BLM: variants seen among roughly 807,000 people sequenced by gnomAD.
The protein encoded by BLM is recQ-like DNA helicase BLM.
A neutral mutation model predicts 135.3 loss-of-function variants in BLM; 95 were observed. That is an observed-to-expected ratio of 0.70 (90% confidence interval 0.59 to 0.83). The LOEUF is 0.83. BLM is among the 40% of genes least tolerant of loss of function. The probability of loss-of-function intolerance (pLI) is 0.00; values close to 1 mark genes in which losing one functional copy is unlikely to be tolerated. For missense variants in BLM, 1,518 were observed against 1,663.9 expected (o/e 0.91, Z 1.53); for synonymous variants, 520 against 589.2 (o/e 0.88, Z 1.70).
chr15:90,792,509 G>A (rs1233436367), intron 15 of BLM, among the ~76,000 whole-genome samples: 1 of 152,090 alleles, frequency 6.6e-6, no homozygotes, highest in Non-Finnish European at 1.5e-5. Flanking sequence ...TACCTTATTT[G>A]TTCAAAACAA....
chr15:90,801,890 T>A (rs1228215985), intron 17 of BLM, among the ~76,000 whole-genome samples: 1 of 152,088 alleles, frequency 6.6e-6, no homozygotes, highest in African/African-American at 2.4e-5. Context: ...ACCCTGTCTC[T>A]ACCAAAAATA....
chr15:90,725,070 G>C (rs1894874458), intron 1 of BLM, among the ~76,000 whole-genome samples: 1 of 152,078 alleles, frequency 6.6e-6, no homozygotes, highest in Admixed American at 6.6e-5. Flanking sequence ...CATCATGCCT[G>C]GCTAATTTTT....
At chr15:90,774,946 G>A (rs56277707) in intron 12 of BLM, among the ~76,000 whole-genome samples, 1 of 124,396 alleles carries the variant, frequency 8.0e-6, no homozygotes, top group African/African-American at 4.2e-5. Flanking sequence ...TATAACGATG[G>A]TAAAATGTTT....
At chr15:90,735,230 T>C (rs1049040821) in intron 1 of BLM, among the ~76,000 whole-genome samples, 2 of 107,626 alleles carry the variant, frequency 1.9e-5, no homozygotes. Context: ...TAAAAGTGCC[T>C]AAGTTAATAT....
At chr15:90,719,620 C>G (rs1212428592) in intron 1 of BLM, among the ~76,000 whole-genome samples, 2 of 151,846 alleles carry the variant, frequency 1.3e-5, no homozygotes, top group African/African-American at 2.4e-5. Context: ...TGTTTTATGC[C>G]TTTAAAAGAG....
chr15:90,770,132 T>C (rs1425323100), intron 12 of BLM, among the ~76,000 whole-genome samples: 1 of 151,208 alleles, frequency 6.6e-6, no homozygotes, highest in Non-Finnish European at 1.5e-5. Flanking sequence ...ACCAAATCCA[T>C]AATTCTTCAG....
intron 21 of BLM, among the ~76,000 whole-genome samples, chr15:90,813,425 C>T (rs748272309): frequency 3.3e-5 from 5 of 152,114 alleles, no homozygotes; most frequent in Non-Finnish European, 5.9e-5. Flanking sequence ...TGGAGTTTTG[C>T]TCTTGTCACC....
intron 1 of BLM, among the ~76,000 whole-genome samples, chr15:90,736,670 G>A (rs1567029357): frequency 6.6e-6 from 1 of 151,950 alleles, no homozygotes; most frequent in Non-Finnish European, 1.5e-5. Context: ...GAAATTTGTT[G>A]GTAAATATCT....
At chr15:90,743,072 T>C (rs1446196089) in intron 1 of BLM, among the ~76,000 whole-genome samples, 1 of 150,706 alleles carries the variant, frequency 6.6e-6, no homozygotes, top group Non-Finnish European at 1.5e-5. Flanking sequence ...AATTGCTCAC[T>C]GCAGCCTCGA....
intron 7 of BLM, among the ~76,000 whole-genome samples, chr15:90,762,132 A>G (rs1473893556): frequency 6.6e-6 from 1 of 152,158 alleles, no homozygotes; most frequent in Admixed American, 6.5e-5. Flanking sequence ...GATGTTTGCA[A>G]TTATCTTGAG....
At chr15:90,811,492 T>C (rs777155908) in intron 21 of BLM, 86 bp downstream of exon 21, 47 of 1,398,662 alleles carry the variant, frequency 3.4e-5, no homozygotes, top group Non-Finnish European at 4.1e-5. Flanking sequence ...TTGAAGGATT[T>C]ATTAAAATAA....
rs1173643081 is a variant in BLM at position 90,774,385 on chromosome 15, T to C, written c.2555+4799T>C. Among the ~76,000 whole-genome samples the C allele has an allele frequency of 2.0e-5, 3 of 151,984 alleles. No individual in the cohort carries two copies. The East Asian group carries it at 5.8e-4, about 29-fold the overall frequency. On this transcript the variant is annotated intron_variant, in intron 12 of 21. Coordinates refer to ENST00000355112, the MANE Select transcript of BLM (RefSeq NM_000057.4). ...CTGCACCCGACCGCCTCCATCATTT[T>C]ATATTACCTTCAGCAGTGTGTGGGG...
At chr15:90,771,830 G>C (rs1012197545) in intron 12 of BLM, among the ~76,000 whole-genome samples, 1 of 152,074 alleles carries the variant, frequency 6.6e-6, no homozygotes, top group African/African-American at 2.4e-5. Flanking sequence ...ATGACTTTTT[G>C]TAAGTATAGG....
intron 1 of BLM, among the ~76,000 whole-genome samples, chr15:90,739,114 G>A (rs893433056): frequency 1.3e-5 from 2 of 152,038 alleles, no homozygotes; most frequent in Admixed American, 1.3e-4. Context: ...AGGAAGGAGC[G>A]GCCAGGCGCG....
At chr15:90,754,991 A>G in intron 5 of BLM, 53 bp downstream of exon 5, 1 of 1,593,230 alleles carries the variant, frequency 6.3e-7, no homozygotes, top group Admixed American at 1.7e-5. Context: ...ACTTTTGAAA[A>G]CAACGTAACA....
chr15:90,806,945 G>A (rs1466870489), intron 19 of BLM, among the ~76,000 whole-genome samples: 5 of 152,176 alleles, frequency 3.3e-5, no homozygotes, highest in African/African-American at 1.2e-4. Flanking sequence ...GTGTTTTACT[G>A]ATTTAGACAT....
chr15:90,811,410 T>G lies in BLM; in HGVS notation c.4076+4T>G, dbSNP rs183176301. The G allele has an allele frequency of 4.5e-3, 7,281 of 1,613,300 alleles. 38 individuals are homozygous for G. The highest frequency in any genetic ancestry group is 0.027 in the Middle Eastern group (161 of 6,062). On this transcript the variant is annotated splice_donor_region_variant and intron_variant, in intron 21 of 21. Transcript: ENST00000355112. ...CCAGTGGTTCCAAGGCAAAGGGGTA[T>G]GTTTTGTGACATCTTTTTCAATATA...
chr15:90,793,272 T>TG, intron 15 of BLM, among the ~76,000 whole-genome samples: 2 of 151,884 alleles, frequency 1.3e-5, no homozygotes, highest in South Asian at 4.1e-4. Context: ...CTAGCAGGGA[T>TG]TACAGGCTCG....
chr15:90,749,956 T>C lies in BLM; in HGVS notation c.688T>C (p.Trp230Arg), dbSNP rs760084762. Reference sequence around the variant, plus strand: ...TGAGGAACAGAAGGATGACTCAGAATGGTTAAGCAGCGATGTGATTTGCAT... The same window carrying C: ...TGAGGAACAGAAGGATGACTCAGAACGGTTAAGCAGCGATGTGATTTGCAT... ...LTEEQKDDSE[W>R]LSSDVICIDD... Residue 230 changes from tryptophan to arginine, a missense_variant, in exon 3 of 22, where the codon TGG (tryptophan) becomes CGG (arginine). This residue lies in a region of BLM where 724 missense variants were observed against 756.9 expected (regional missense o/e 0.96). Coordinates refer to ENST00000355112, the MANE Select transcript of BLM (RefSeq NM_000057.4). The C allele has an allele frequency of 1.2e-6, 2 of 1,614,182 alleles. No individual in the cohort carries two copies. Among genetic ancestry groups the C allele is most frequent in the South Asian group, 2.2e-5 (2 of 91,084 alleles).
Sources: gnomAD v4.1 joint callset for allele counts (sites outside exome capture counted in the v4.1 genomes callset) on GRCh38, gnomAD v4.1.1 for gene constraint, gnomAD v4.1.1 regional missense constraint, MANE v1.5 for transcripts, NCBI Gene and HGNC (gene_info 2026-07-23, HGNC 2026-07-21) for gene names.